VPS16: variants seen among roughly 807,000 people sequenced by gnomAD.
VPS16 encodes VPS16 core subunit of CORVET and HOPS complexes, also known as vacuolar protein sorting-associated protein 16 homolog.
Under a neutral mutation model 116.0 loss-of-function variants are expected in VPS16, and 82 were observed. The observed-to-expected ratio is 0.71, with a 90% CI of 0.59 to 0.85. The LOEUF is 0.85. VPS16 is among the 40% of genes least tolerant of loss of function. The pLI is 0.00. For synonymous variants in VPS16, 406 were observed against 420.7 expected (o/e 0.96, Z 0.43); for missense variants, 928 against 1,090.6 (o/e 0.85, Z 2.10).
intron 1 of VPS16, among the ~76,000 whole-genome samples, chr20:2,856,551 G>C (rs1471312090): frequency 6.6e-6 from 1 of 152,194 alleles, no homozygotes; most frequent in Non-Finnish European, 1.5e-5. Flanking sequence ...TAGTATAAAA[G>C]TGGACAGCTC....
intron 2 of VPS16, 66 bp from the exon 3 acceptor site, chr20:2,859,988 G>A (rs1309275441): frequency 9.4e-6 from 15 of 1,595,498 alleles, no homozygotes; most frequent in African/African-American, 1.3e-5. Flanking sequence ...GAGCCAGGAT[G>A]TGAGGCCTGC....
At chr20:2,859,929 CT>C in intron 2 of VPS16, 122 bp downstream of exon 2, 1 of 1,488,090 alleles carries the variant, frequency 6.7e-7, no homozygotes, top group Non-Finnish European at 9.3e-7. Flanking sequence ...TGCTGAGATG[CT>C]TTTACTTCTG....
chr20:2,854,087 A>G (rs2146655677), intron 1 of VPS16, among the ~76,000 whole-genome samples: 1 of 152,286 alleles, frequency 6.6e-6, no homozygotes, highest in South Asian at 2.1e-4. Context: ...CAGAGAAATT[A>G]CTAGCTATGG....
chr20:2,861,058 C>G lies in VPS16; in HGVS notation c.719C>G (p.Thr240Arg). The change falls in exon 7 of 24, where the codon ACA becomes AGA. Residue 240 changes from threonine to arginine, a missense_variant. Physicochemically the swap from Thr to Arg is moderately conservative, Grantham distance 71. Transcript: ENST00000380445. The stretch of plus-strand genomic sequence containing the variant: ...CGACACCTGGCACTCTTCACAGACA[C>G]AGGCTACATCTGGATGGGGACAGCA... ...TYRHLALFTD[T>R]GYIWMGTASL... 1 of 1,614,230 alleles carries G rather than the reference C, an allele frequency of 6.2e-7. No homozygotes were observed. The highest frequency in any genetic ancestry group is 8.5e-7 in the Non-Finnish European group (1 of 1,180,046).
At chr20:2,844,478 A>T (rs1230034569) in intron 1 of VPS16, among the ~76,000 whole-genome samples, 1 of 152,142 alleles carries the variant, frequency 6.6e-6, no homozygotes, top group African/African-American at 2.4e-5. Context: ...GGGCTAATCT[A>T]ATTAATTAAT....
chr20:2,843,428 T>A (rs575574758), intron 1 of VPS16, among the ~76,000 whole-genome samples: 66 of 150,538 alleles, frequency 4.4e-4, no homozygotes, highest in Non-Finnish European at 9.0e-4. Context: ...CAAGACTCCA[T>A]CTTGGGGAAA....
intron 1 of VPS16, among the ~76,000 whole-genome samples, chr20:2,847,207 A>G (rs957494800): frequency 6.6e-6 from 1 of 152,074 alleles, no homozygotes; most frequent in Non-Finnish European, 1.5e-5. Context: ...TAGGGGGTCC[A>G]TTGTGTCTCC....
At position 2,864,346 on chromosome 20, in the gene VPS16, CCA is replaced by C; in HGVS notation, c.1721-17_1721-16del. ...TGGGAGCCTGGCTGGAATTCCCACTCCACCTTACTCTCCTGCAGTGTTCACGG... is the reference window on the plus strand; with the variant it reads ...TGGGAGCCTGGCTGGAATTCCCACTCCCTTACTCTCCTGCAGTGTTCACGG... On this transcript the variant is annotated splice_polypyrimidine_tract_variant and intron_variant, in intron 17 of 23. Coordinates refer to ENST00000380445, the MANE Select transcript of VPS16 (RefSeq NM_022575.4). The surrounding 1 kb of genome is among the most constrained non-coding windows in gnomAD (Gnocchi z 5.2). 2 of 1,614,132 alleles carry C rather than the reference CCA, an allele frequency of 1.2e-6. No individual in the cohort carries two copies. The highest frequency in any genetic ancestry group is 1.7e-6 in the Non-Finnish European group (2 of 1,180,004).
Position 2,866,534 on chromosome 20 carries a change from A to T in VPS16, c.2480A>T (p.Asp827Val). The T allele has an allele frequency of 6.2e-7, 1 of 1,614,196 alleles. No homozygotes were observed. The highest frequency in any genetic ancestry group is 1.3e-5 in the African/African-American group (1 of 75,046). The change falls in exon 24 of 24, where the codon GAC (aspartate) becomes GTC (valine). Residue 827 changes from aspartate (D) to valine (V), a missense_variant. Asp to Val is a radical substitution (Grantham distance 152). Coordinates refer to ENST00000380445, the MANE Select transcript of VPS16 (RefSeq NM_022575.4). ...CTGATDGATA[D>V]KIQRARAQAQ... is the part of the protein sequence containing the mutation. The stretch of plus-strand genomic sequence containing the variant: ...GGAGCCACAGATGGGGCCACAGCTG[A>T]CAAGATTCAACGGGCCAGGGCACAA...
chr20:2,842,507 T>C (rs2088988982), intron 1 of VPS16, among the ~76,000 whole-genome samples: 1 of 151,680 alleles, frequency 6.6e-6, no homozygotes, highest in South Asian at 2.1e-4. Flanking sequence ...CTTGGGAGGC[T>C]GAGGCAGGAG....
intron 1 of VPS16, among the ~76,000 whole-genome samples, chr20:2,843,395 G>A (rs376243264): frequency 6.6e-6 from 1 of 150,836 alleles, no homozygotes; most frequent in African/African-American, 2.4e-5. Flanking sequence ...TCGCACCACT[G>A]TACTCCAGCC....
Position 2,859,784 on chromosome 20 carries a change from C to G in VPS16, c.119C>G (p.Ala40Gly), listed in dbSNP as rs746093213. The G allele has an allele frequency of 6.2e-7, 1 of 1,612,930 alleles. No homozygotes were observed. Among genetic ancestry groups the G allele is most frequent in the South Asian group, 1.1e-5 (1 of 90,944 alleles). Residue 40 changes from alanine (A) to glycine (G), a missense_variant, in exon 2 of 24, where the codon GCT becomes GGT. By Grantham distance (60) the Ala-to-Gly change is moderately conservative. Coordinates refer to ENST00000380445, the MANE Select transcript of VPS16 (RefSeq NM_022575.4). ...GAACTCAGGGATTGCCTGGTGGCTG[C>G]TGCACCCTATGGGGGCCCCATTGGT... ...KEELRDCLVA[A>G]APYGGPIALL... is the part of the protein sequence containing the mutation.
rs971437750 is a variant in VPS16 at position 2,860,886 on chromosome 20, A to C, written c.630+23A>C. 3.1e-6 allele frequency: 5 copies of C among 1,613,984 alleles called. No individual in the cohort carries two copies. The African/African-American group carries it at 6.7e-5, about 22-fold the overall frequency. On this transcript the variant is annotated intron_variant, in intron 6 of 23. Transcript: ENST00000380445. The surrounding 1 kb of genome is among the most constrained non-coding windows in gnomAD (Gnocchi z 6.1). ...GTGGTAAGGGCCCTGAGTGGGAATG[A>C]AGTGGACGGGCTGGGTTAGGCAATA...
In VPS16 at chr20:2,864,521, G is replaced by T; in HGVS notation, c.1819-26G>T. 1.2e-6 allele frequency: 2 copies of T among 1,614,086 alleles called. No individual in the cohort carries two copies. Among genetic ancestry groups the T allele is most frequent in the South Asian group, 2.2e-5 (2 of 91,074 alleles). On this transcript the variant is annotated intron_variant, in intron 18 of 23. Coordinates refer to ENST00000380445, the MANE Select transcript of VPS16 (RefSeq NM_022575.4). This position sits in a 1 kb window ranked among gnomAD's most constrained non-coding sequence, Gnocchi z 5.2. ...TCTGAGCACTTGAGTTGGCCTTGCT[G>T]ACTGATTGCCTGCCTGTGGCCCCAG...
Position 2,859,805 on chromosome 20 carries a change from T to C in VPS16, c.140T>C (p.Ile47Thr), listed in dbSNP as rs764631016. ...GCTGCTGCACCCTATGGGGGCCCCATTGGTATGTTGCCCCTCCACCACCAC... is the reference window on the plus strand; with the variant it reads ...GCTGCTGCACCCTATGGGGGCCCCACTGGTATGTTGCCCCTCCACCACCAC... ...LVAAAPYGGP[I>T]ALLRNPWRKE... The change falls in exon 2 of 24, where the codon ATT becomes ACT. Residue 47 changes from isoleucine (I) to threonine (T), a missense_variant and splice_region_variant. Transcript: ENST00000380445. 1.3e-5 allele frequency: 21 copies of C among 1,607,464 alleles called. No individual in the cohort carries two copies. Among genetic ancestry groups the C allele is most frequent in the Admixed American group, 5.2e-5 (3 of 57,674 alleles).
chr20:2,863,518 T>TG lies in VPS16; in HGVS notation c.1476+120_1476+121insG. On this transcript the variant is annotated intron_variant, in intron 15 of 23. Coordinates refer to ENST00000380445, the MANE Select transcript of VPS16 (RefSeq NM_022575.4). This position sits in a 1 kb window ranked among gnomAD's most constrained non-coding sequence, Gnocchi z 4.4. The stretch of plus-strand genomic sequence containing the variant: ...TGGCTCATGCCTGTAATCCCAACAC[T>TG]TTGGGAGGCTGAGGCGGGCGAATCA... The TG allele has an allele frequency of 2.0e-6, 2 of 993,256 alleles. No homozygotes were observed. The highest frequency in any genetic ancestry group is 3.0e-6 in the Non-Finnish European group (2 of 665,998). 61.5% of individuals were successfully genotyped at this position (993,256 alleles called of 1,614,324 possible). A position where few individuals can be genotyped will look rare whatever the true frequency, so the allele number is the denominator to read the frequency against.
intron 1 of VPS16, among the ~76,000 whole-genome samples, chr20:2,843,572 A>G (rs1484137673): frequency 3.3e-5 from 5 of 152,252 alleles, no homozygotes; most frequent in African/African-American, 7.2e-5. Context: ...CAAGGTAGCC[A>G]TGTCATTTAG....
chr20:2,854,960 ATTTTTT>A (rs547295825), intron 1 of VPS16, among the ~76,000 whole-genome samples: 2 of 110,126 alleles, frequency 1.8e-5, no homozygotes, highest in African/African-American at 3.9e-5. Context: ...ATGAGCAGTA[ATTTTTT>A]TTTTTTTTTT....
At position 2,859,799 on chromosome 20, in the gene VPS16, G is replaced by T. The variant is rs1247576655; in HGVS notation, c.134G>T (p.Gly45Val). The change falls in exon 2 of 24, where the codon GGC becomes GTC. Residue 45 changes from glycine (G) to valine (V), a missense_variant. By Grantham distance (109) the Gly-to-Val change is moderately radical (BLOSUM62 -3). Transcript: ENST00000380445. Reference sequence around the variant, plus strand: ...CTGGTGGCTGCTGCACCCTATGGGGGCCCCATTGGTATGTTGCCCCTCCAC... The same window carrying T: ...CTGGTGGCTGCTGCACCCTATGGGGTCCCCATTGGTATGTTGCCCCTCCAC... ...DCLVAAAPYG[G>V]PIALLRNPWR... is the part of the protein sequence containing the mutation. 6.2e-7 allele frequency: 1 copy of T among 1,609,448 alleles called. No individual in the cohort carries two copies. The highest frequency in any genetic ancestry group is 1.7e-5 in the Admixed American group (1 of 58,398).
Sources: gnomAD v4.1 joint callset for allele counts (sites outside exome capture counted in the v4.1 genomes callset) on GRCh38, gnomAD v4.1.1 for gene constraint, Gnocchi (gnomAD v3.1) non-coding constraint, MANE v1.5 for transcripts, NCBI Gene and HGNC (gene_info 2026-07-23, HGNC 2026-07-21) for gene names.